The following CTNND2 variants were observed in gnomAD, a reference collection of about 807,000 sequenced individuals.
The protein encoded by CTNND2 is catenin delta 2, also known as catenin delta-2.
A neutral mutation model predicts 144.4 loss-of-function variants in CTNND2; 22 were observed. The ratio of observed to expected loss-of-function variants is 0.15; its 90% CI spans 0.11 to 0.22. The LOEUF is 0.22. Ranked by LOEUF, CTNND2 falls within the 10% of genes least tolerant of loss-of-function variation. The pLI, the probability that CTNND2 is intolerant of heterozygous loss-of-function variation, is 1.00. For synonymous variants in CTNND2, 751 were observed against 695.6 expected (o/e 1.08, Z -1.25); for missense variants, 1,353 against 1,618.8 (o/e 0.84, Z 2.82).
chr5:11,598,081 G>T (rs1250871413), intron 2 of CTNND2, among the ~76,000 whole-genome samples: 2 of 152,138 alleles, frequency 1.3e-5, no homozygotes, highest in Non-Finnish European at 2.9e-5. Context: ...CATTGTTTCT[G>T]TGTACATCCA....
chr5:11,578,939 A>G (rs993998525), intron 2 of CTNND2, among the ~76,000 whole-genome samples: 27 of 152,220 alleles, frequency 1.8e-4, no homozygotes, highest in Non-Finnish European at 4.0e-4. Context: ...CAAAACATGA[A>G]CATTCTTATA....
chr5:11,750,704 G>A (rs985983944), intron 1 of CTNND2, among the ~76,000 whole-genome samples: 11 of 151,636 alleles, frequency 7.3e-5, no homozygotes, highest in Non-Finnish European at 1.0e-4. Context: ...GTAGGTTTGC[G>A]TCAAGATTCA....
intron 7 of CTNND2, among the ~76,000 whole-genome samples, chr5:11,382,272 T>A (rs569995021): frequency 6.6e-6 from 1 of 152,320 alleles, no homozygotes; most frequent in African/African-American, 2.4e-5. Flanking sequence ...AGGATCTAAA[T>A]CAATGGCAGT....
At chr5:11,639,954 C>A (rs994811302) in intron 2 of CTNND2, among the ~76,000 whole-genome samples, 2 of 152,110 alleles carry the variant, frequency 1.3e-5, no homozygotes, top group African/African-American at 4.8e-5. Flanking sequence ...CAAGAGAAAA[C>A]CTTTCTCAAG....
intron 6 of CTNND2, among the ~76,000 whole-genome samples, chr5:11,391,157 G>A (rs1247069262): frequency 6.6e-6 from 1 of 150,698 alleles, no homozygotes; most frequent in Non-Finnish European, 1.5e-5. Context: ...AGTTAAGAAA[G>A]GCAGGATCAA....
At chr5:11,191,482 T>C (rs180987754) in intron 11 of CTNND2, among the ~76,000 whole-genome samples, 24 of 152,310 alleles carry the variant, frequency 1.6e-4, no homozygotes, top group African/African-American at 5.8e-4. Context: ...GGTGGGTTTG[T>C]GCTGTGTCAC....
At chr5:11,154,771 C>T (rs1343855955) in intron 12 of CTNND2, among the ~76,000 whole-genome samples, 4 of 152,204 alleles carry the variant, frequency 2.6e-5, no homozygotes, top group African/African-American at 9.6e-5. Flanking sequence ...GCCGTGCTCT[C>T]TCTGAAGGCT....
chr5:11,758,334 A>T (rs1789065520), intron 1 of CTNND2, among the ~76,000 whole-genome samples: 1 of 152,004 alleles, frequency 6.6e-6, no homozygotes, highest in South Asian at 2.1e-4. Context: ...ATTTATAACC[A>T]TAAATTTTTG....
intron 3 of CTNND2, among the ~76,000 whole-genome samples, chr5:11,519,293 C>T (rs760896922): frequency 6.6e-6 from 1 of 152,160 alleles, no homozygotes; most frequent in Non-Finnish European, 1.5e-5. Flanking sequence ...CATTTACCTA[C>T]TTTAATTGGA....
chr5:11,346,478 A>T lies in CTNND2; in HGVS notation c.1522T>A (p.Tyr508Asn), dbSNP rs1431528375. 1 of 1,603,464 alleles carries T rather than the reference A, an allele frequency of 6.2e-7. No individual in the cohort carries two copies. Among genetic ancestry groups the T allele is most frequent in the African/African-American group, 1.3e-5 (1 of 74,404 alleles). ...TATGGAGACTCAACAGAGGGACAAT[A>T]CTGCAGCTGTCGGTAGGGGTCCGCG... ...NYADPYRQLQ[Y>N]CPSVESPYSK... The change falls in exon 9 of 22, where the codon TAT becomes AAT. Residue 508 changes from tyrosine to asparagine, a missense_variant. Tyr to Asn is a moderately radical substitution (Grantham distance 143). Around this residue, in one of 4 missense-constraint regions of CTNND2, gnomAD observed 708 missense variants for 706.4 expected, o/e 1.00. Transcript: ENST00000304623.
intron 9 of CTNND2, among the ~76,000 whole-genome samples, chr5:11,295,019 G>A (rs1030491230): frequency 6.6e-6 from 1 of 152,088 alleles, no homozygotes; most frequent in Non-Finnish European, 1.5e-5. Context: ...GGGTATTCAA[G>A]TAGGAAAAGA....
At chr5:11,290,299 T>A (rs1210526743) in intron 9 of CTNND2, among the ~76,000 whole-genome samples, 4 of 152,200 alleles carry the variant, frequency 2.6e-5, no homozygotes, top group Admixed American at 2.0e-4. Context: ...AACAGGTTTT[T>A]AATTATGCTT....
intron 3 of CTNND2, among the ~76,000 whole-genome samples, chr5:11,556,696 C>T (rs763182935): frequency 1.3e-5 from 2 of 152,116 alleles, no homozygotes; most frequent in Non-Finnish European, 2.9e-5. Context: ...GTATTTATAA[C>T]ACGTATTCCT....
Position 10,988,105 on chromosome 5 carries a change from G to C in CTNND2, c.3343+6C>G. 6.2e-7 allele frequency: 1 copy of C among 1,613,990 alleles called. No individual in the cohort carries two copies. Among genetic ancestry groups the C allele is most frequent in the Non-Finnish European group, 8.5e-7 (1 of 1,179,938 alleles). On this transcript the variant is annotated splice_donor_region_variant and intron_variant, in intron 20 of 21. Transcript: ENST00000304623. This position sits in a 1 kb window ranked among gnomAD's most constrained non-coding sequence, Gnocchi z 5.9. Reference sequence around the variant, plus strand: ...TTCCAGGAGGGGGCGCGCGAGGGGCGCTCACCTGTCATGGCATCTTTCCTG... The same window carrying C: ...TTCCAGGAGGGGGCGCGCGAGGGGCCCTCACCTGTCATGGCATCTTTCCTG...
In CTNND2 at chr5:11,903,017, C is replaced by G. The variant is rs1421179269; in HGVS notation, c.37+800G>C. The stretch of plus-strand genomic sequence containing the variant: ...CTTAATTCTGAAAGCAGAGGCTCAA[C>G]CTGCCGAGTGGCAATCGAAGAAAAC... On this transcript the variant is annotated intron_variant, in intron 1 of 21. Transcript: ENST00000304623. The surrounding 1 kb of genome is among the most constrained non-coding windows in gnomAD (Gnocchi z 5.4). The G allele has an allele frequency of 5.2e-6, 1 of 193,344 alleles. No individual in the cohort carries two copies. The highest frequency in any genetic ancestry group is 9.5e-6 in the Non-Finnish European group (1 of 105,660). The allele number at this position is 193,344 out of a possible 1,614,324, so 12.0% of individuals were successfully genotyped here.
intron 2 of CTNND2, among the ~76,000 whole-genome samples, chr5:11,581,376 T>C (rs1561584883): frequency 1.3e-5 from 2 of 152,358 alleles, no homozygotes; most frequent in African/African-American, 4.8e-5. Context: ...TATGAAGATA[T>C]TAGTCCAAGT....
At chr5:11,858,790 A>G (rs931580784) in intron 1 of CTNND2, among the ~76,000 whole-genome samples, 9 of 152,056 alleles carry the variant, frequency 5.9e-5, no homozygotes, top group East Asian at 1.9e-4. Context: ...TTAGCTGGGC[A>G]TGGTGGCGGG....
At chr5:11,278,476 C>A (rs1443755850) in intron 9 of CTNND2, among the ~76,000 whole-genome samples, 1 of 152,142 alleles carries the variant, frequency 6.6e-6, no homozygotes. Flanking sequence ...GCATGTTGGG[C>A]AGCTCCAGGT....
chr5:11,665,866 T>C (rs959001124), intron 2 of CTNND2, among the ~76,000 whole-genome samples: 5 of 152,154 alleles, frequency 3.3e-5, no homozygotes, highest in Non-Finnish European at 5.9e-5. Flanking sequence ...TTCATAAATA[T>C]AGTGTTATGC....
Sources: gnomAD v4.1 joint callset for allele counts (sites outside exome capture counted in the v4.1 genomes callset) on GRCh38, gnomAD v4.1.1 for gene constraint, gnomAD v4.1.1 regional missense constraint, Gnocchi (gnomAD v3.1) non-coding constraint, MANE v1.5 for transcripts, NCBI Gene and HGNC (gene_info 2026-07-23, HGNC 2026-07-21) for gene names.